BTBD16: variants seen among roughly 807,000 people sequenced by gnomAD.
BTBD16 encodes the protein BTB/POZ domain-containing protein 16.
BTBD16 carries 66 observed loss-of-function variants against 67.4 expected under a neutral mutation model. The ratio of observed to expected loss-of-function variants is 0.98; its 90% confidence interval spans 0.80 to 1.20. BTBD16 has a LOEUF of 1.20. Among genes scored for constraint, BTBD16 ranks in the 50% most tolerant of loss-of-function variants. The pLI is 0.00. For synonymous variants in BTBD16, 242 were observed against 236.4 expected, an observed-to-expected ratio of 1.02 and a Z score of -0.22; for missense variants, 634 against 616.0, an observed-to-expected ratio of 1.03 and a Z score of -0.31.
At chr10:122,273,210 A>G (rs2096332734) in intron 1 of BTBD16, among the ~76,000 whole-genome samples, 1 of 140,858 alleles carries the variant, frequency 7.1e-6, no homozygotes, top group Non-Finnish European at 1.5e-5. Context: ...AAATAAAAAC[A>G]GCAACACAAA....
intron 5 of BTBD16, among the ~76,000 whole-genome samples, chr10:122,289,518 C>T (rs893817308): frequency 2.0e-5 from 3 of 152,118 alleles, no homozygotes; most frequent in Non-Finnish European, 2.9e-5. Flanking sequence ...GCTGGCAGAT[C>T]ACCTGAGGTC....
chr10:122,281,893 G>C lies in BTBD16; in HGVS notation c.168-1958G>C, dbSNP rs1226922644. Among the ~76,000 whole-genome samples the C allele has an allele frequency of 2.6e-5, 4 of 152,272 alleles. No homozygotes were observed. In the South Asian group the frequency reaches 8.3e-4, roughly 32 times the overall value. On this transcript the variant is annotated intron_variant, in intron 3 of 15. Coordinates refer to ENST00000260723, the MANE Select transcript of BTBD16 (RefSeq NM_144587.5). ...TCATGGTCATGACTTGGGGGCGTGA[G>C]CTCCAGCCTAACAGCACGTTCCCAG...
chr10:122,327,216 G>A (rs1361143789), intron 10 of BTBD16, among the ~76,000 whole-genome samples: 1 of 152,212 alleles, frequency 6.6e-6, no homozygotes, highest in Admixed American at 6.5e-5. Context: ...CAGGAAATCA[G>A]AAGCTGAGGA....
Position 122,283,880 on chromosome 10 carries a change from T to C in BTBD16, c.197T>C (p.Phe66Ser), listed in dbSNP as rs749296051. ...TGCATTTCACAAATCCAGAAGTTTT[T>C]CTTTGAGAATTTCAAGAACAAGGAC... ...RLCISQIQKFFFENFKNKDIQ... is the reference protein window; with the variant it reads ...RLCISQIQKFSFENFKNKDIQ... The change falls in exon 4 of 16, where the codon TTC (phenylalanine) becomes TCC (serine). Residue 66 changes from phenylalanine to serine, a missense_variant. Coordinates refer to ENST00000260723, the MANE Select transcript of BTBD16 (RefSeq NM_144587.5). The C allele has an allele frequency of 1.2e-6, 2 of 1,614,196 alleles. No homozygotes were observed. Among genetic ancestry groups the C allele is most frequent in the Non-Finnish European group, 1.7e-6 (2 of 1,180,016 alleles).
chr10:122,283,095 A>G (rs937115289), intron 3 of BTBD16, among the ~76,000 whole-genome samples: 2 of 152,220 alleles, frequency 1.3e-5, no homozygotes, highest in African/African-American at 4.8e-5. Context: ...CTTTCCCCCA[A>G]GAGCAATGGG....
chr10:122,314,616 G>A (rs1052811945), intron 10 of BTBD16, among the ~76,000 whole-genome samples: 13 of 152,258 alleles, frequency 8.5e-5, no homozygotes, highest in Non-Finnish European at 1.5e-4. Flanking sequence ...AATGTTTGCT[G>A]ACTCTATTGT....
intron 9 of BTBD16, among the ~76,000 whole-genome samples, chr10:122,301,719 T>C (rs2096394372): frequency 6.6e-6 from 1 of 152,204 alleles, no homozygotes. Context: ...GACCCACAGC[T>C]GTTTCAGAAT....
intron 2 of BTBD16, among the ~76,000 whole-genome samples, chr10:122,275,764 C>T (rs896685709): frequency 6.6e-6 from 1 of 152,120 alleles, no homozygotes; most frequent in African/African-American, 2.4e-5. Flanking sequence ...GGTTTACATC[C>T]ATGCTGGGTA....
intron 10 of BTBD16, among the ~76,000 whole-genome samples, chr10:122,323,767 C>G (rs1413718431): frequency 6.6e-6 from 1 of 152,138 alleles, no homozygotes; most frequent in African/African-American, 2.4e-5. Flanking sequence ...CTCACCCTTT[C>G]ATTTTGCAGT....
intron 6 of BTBD16, among the ~76,000 whole-genome samples, chr10:122,290,588 A>G (rs1024080129): frequency 2.0e-5 from 3 of 152,204 alleles, no homozygotes; most frequent in African/African-American, 4.8e-5. Context: ...AGCTAAGTCC[A>G]TCTGGCCCCT....
chr10:122,331,348 C>A, intron 12 of BTBD16, 90 bp downstream of exon 12: 1 of 1,557,690 alleles, frequency 6.4e-7, no homozygotes, highest in South Asian at 1.2e-5. Flanking sequence ...ACATTTGAAA[C>A]CTCTAAACCT....
At chr10:122,294,720 C>T (rs2096380010) in intron 7 of BTBD16, among the ~76,000 whole-genome samples, 1 of 152,252 alleles carries the variant, frequency 6.6e-6, no homozygotes, top group Non-Finnish European at 1.5e-5. Flanking sequence ...AAACCCCCCA[C>T]TTCCCTGAGC....
At chr10:122,331,366 C>G in intron 12 of BTBD16, 108 bp downstream of exon 12, 1 of 1,436,312 alleles carries the variant, frequency 7.0e-7, no homozygotes, top group Non-Finnish European at 9.2e-7. Context: ...CCTCTGAGGT[C>G]AGGACATATC....
intron 10 of BTBD16, among the ~76,000 whole-genome samples, chr10:122,308,278 T>C (rs2096407250): frequency 6.6e-6 from 1 of 152,144 alleles, no homozygotes; most frequent in Admixed American, 6.5e-5. Context: ...AAGTTGCTGT[T>C]TCCAAGGCCT....
At chr10:122,284,065 G>T (rs2096358516) in intron 4 of BTBD16, 141 bp downstream of exon 4, 9 of 645,914 alleles carry the variant, frequency 1.4e-5, no homozygotes, top group Non-Finnish European at 2.5e-5. Context: ...CAGCGTCTAA[G>T]AAATAATAGG....
At chr10:122,309,140 T>C (rs2096408906) in intron 10 of BTBD16, among the ~76,000 whole-genome samples, 2 of 152,126 alleles carry the variant, frequency 1.3e-5, no homozygotes, top group African/African-American at 4.8e-5. Flanking sequence ...TTTTTCTCTT[T>C]TTTTGAGACA....
At chr10:122,313,154 G>A (rs2096417175) in intron 10 of BTBD16, among the ~76,000 whole-genome samples, 1 of 152,052 alleles carries the variant, frequency 6.6e-6, no homozygotes, top group Non-Finnish European at 1.5e-5. Context: ...TGGGATTACA[G>A]GCGTGAGCCA....
intron 10 of BTBD16, among the ~76,000 whole-genome samples, chr10:122,321,079 C>T (rs2096434636): frequency 6.6e-6 from 1 of 152,086 alleles, no homozygotes. Context: ...TGTTTAGCTT[C>T]CATTTATAAG....
rs181544445 is a variant in BTBD16, at chr10:122,300,309, A to T, written c.791+1175A>T. Among the ~76,000 whole-genome samples the T allele has an allele frequency of 4.3e-3, 659 of 152,012 alleles. 6 individuals carry two copies. Among genetic ancestry groups the T allele is most frequent in the Non-Finnish European group, 7.2e-3 (489 of 67,858 alleles). ...ATATATACAATATATAATGCATAGA[A>T]TATATGCAATAATGCATAGAATATA... On this transcript the variant is annotated intron_variant, in intron 9 of 15. Transcript: ENST00000260723.
Sources: allele counts gnomAD v4.1 joint callset (sites outside exome capture counted in the v4.1 genomes callset), GRCh38; gene constraint gnomAD v4.1.1; transcripts MANE v1.5; gene names NCBI Gene and HGNC (gene_info 2026-07-23, HGNC 2026-07-21).